OSBPL10: variants seen among roughly 807,000 people sequenced by gnomAD.
The protein encoded by OSBPL10 is oxysterol binding protein like 10.
In OSBPL10, 49 loss-of-function variants were observed where a neutral mutation model predicts 81.7. That is an observed-to-expected ratio of 0.60 (90% confidence interval 0.48 to 0.76). OSBPL10 has a LOEUF of 0.76. Ranked by LOEUF, OSBPL10 falls within the 30% of genes least tolerant of loss-of-function variation. The probability of loss-of-function intolerance (pLI) is 0.00; values close to 1 mark genes in which losing one functional copy is unlikely to be tolerated. For synonymous variants in OSBPL10, 419 were observed against 383.6 expected, an observed-to-expected ratio of 1.09 and a Z score of -1.08; for missense variants, 923 against 987.8, an observed-to-expected ratio of 0.93 and a Z score of 0.88.
intron 2 of OSBPL10, among the ~76,000 whole-genome samples, chr3:32,010,179 G>C (rs1699240651): frequency 6.6e-6 from 1 of 151,882 alleles, no homozygotes; most frequent in South Asian, 2.1e-4. Context: ...AGAAATGCAG[G>C]TGCACAGAGG....
intron 1 of OSBPL10, among the ~76,000 whole-genome samples, chr3:31,891,772 A>G (rs1468619096): frequency 6.6e-6 from 1 of 152,330 alleles, no homozygotes; most frequent in East Asian, 1.9e-4. Context: ...TGTGATATGA[A>G]TAAAGCACTC....
intron 6 of OSBPL10, chr3:31,732,500 C>T (rs535790754): frequency 6.6e-6 from 1 of 152,176 alleles, no homozygotes. Flanking sequence ...TTAAAGGAGG[C>T]CTCCGCCAGT....
chr3:31,735,031 T>G (rs1575509166), intron 5 of OSBPL10, among the ~76,000 whole-genome samples: 1 of 152,258 alleles, frequency 6.6e-6, no homozygotes, highest in Non-Finnish European at 1.5e-5. Context: ...GTATGTGCGG[T>G]GCTTATGCAC....
In OSBPL10 at chr3:31,766,294, C is replaced by A. The variant is rs957540554; in HGVS notation, c.730-18174G>T. ...CAACATAGGGTCTTCCCTCTGCCCACTGCTCTGTGATGTTTGGCCCAATGT... is the reference window on the plus strand; with the variant it reads ...CAACATAGGGTCTTCCCTCTGCCCAATGCTCTGTGATGTTTGGCCCAATGT... On this transcript the variant is annotated intron_variant, in intron 4 of 11. Transcript: ENST00000396556. Among the ~76,000 whole-genome samples the A allele has an allele frequency of 3.3e-5, 5 of 151,448 alleles. No individual in the cohort carries two copies. The South Asian group carries it at 1.0e-3, about 32-fold the overall frequency.
intron 11 of OSBPL10, chr3:31,663,541 C>CA: frequency 1.0e-6 from 1 of 1,001,028 alleles, no homozygotes; most frequent in Non-Finnish European, 1.2e-6. Flanking sequence ...CTTCTAGTGT[C>CA]ACATTTGCAG....
chr3:31,780,218 G>A (rs1457671156), intron 4 of OSBPL10, among the ~76,000 whole-genome samples: 7 of 151,914 alleles, frequency 4.6e-5, no homozygotes, highest in Non-Finnish European at 8.8e-5. Context: ...GCATGAACCC[G>A]GGAGGCAGAG....
chr3:32,046,035 C>A (rs1160875822), intron 2 of OSBPL10: 3 of 152,210 alleles, frequency 2.0e-5, no homozygotes, highest in African/African-American at 7.2e-5. Context: ...ATCTACTTTC[C>A]TGTGGGTTCT....
chr3:31,957,484 G>T (rs1276529833), intron 1 of OSBPL10, among the ~76,000 whole-genome samples: 1 of 152,186 alleles, frequency 6.6e-6, no homozygotes, highest in East Asian at 1.9e-4. Context: ...CTCTACTGTG[G>T]CTTATAACTT....
At chr3:31,809,049 A>G (rs1218553867) in intron 4 of OSBPL10, among the ~76,000 whole-genome samples, 2 of 152,224 alleles carry the variant, frequency 1.3e-5, no homozygotes, top group Non-Finnish European at 2.9e-5. Context: ...AGTAAGACTA[A>G]GCCAAGAATA....
chr3:31,837,318 AAATT>A (rs1382907337), intron 3 of OSBPL10, among the ~76,000 whole-genome samples: 5 of 97,528 alleles, frequency 5.1e-5, no homozygotes, highest in South Asian at 3.6e-4. Context: ...ACAGATCCCC[AAATT>A]ATATATATAT....
intron 2 of OSBPL10, among the ~76,000 whole-genome samples, chr3:32,006,241 C>G (rs1334600839): frequency 6.6e-6 from 1 of 152,184 alleles, no homozygotes; most frequent in Non-Finnish European, 1.5e-5. Flanking sequence ...CCACCGCACC[C>G]CTCCATCTTG....
chr3:31,692,642 A>G (rs1198087824), intron 7 of OSBPL10, among the ~76,000 whole-genome samples: 1 of 152,226 alleles, frequency 6.6e-6, no homozygotes, highest in African/African-American at 2.4e-5. Flanking sequence ...AATATTTCAG[A>G]TTTAAACTGT....
intron 4 of OSBPL10, among the ~76,000 whole-genome samples, chr3:31,781,998 G>T (rs1698708788): frequency 6.6e-6 from 1 of 152,048 alleles, no homozygotes; most frequent in Non-Finnish European, 1.5e-5. Context: ...CATAGCCAAA[G>T]CAAGACTAGG....
chr3:31,763,364 T>C (rs192090956), intron 4 of OSBPL10, among the ~76,000 whole-genome samples: 61 of 152,304 alleles, frequency 4.0e-4, no homozygotes, highest in African/African-American at 1.4e-3. Context: ...GAACGTAACC[T>C]TACAAACTAA....
At chr3:31,857,480 A>T (rs1700941218) in intron 3 of OSBPL10, among the ~76,000 whole-genome samples, 1 of 151,972 alleles carries the variant, frequency 6.6e-6, no homozygotes, top group Non-Finnish European at 1.5e-5. Context: ...CCTGATGGAG[A>T]GCATCTCCCT....
chr3:31,916,804 C>T (rs1206808636), intron 1 of OSBPL10, among the ~76,000 whole-genome samples: 1 of 152,172 alleles, frequency 6.6e-6, no homozygotes, highest in Non-Finnish European at 1.5e-5. Context: ...CAGGTTTTAA[C>T]ATTCTTGCCA....
intron 4 of OSBPL10, among the ~76,000 whole-genome samples, chr3:31,794,141 C>G (rs1370874160): frequency 6.6e-6 from 1 of 152,206 alleles, no homozygotes; most frequent in Non-Finnish European, 1.5e-5. Flanking sequence ...ACTTTCCCCA[C>G]ATAGTTTTTC....
rs866253056 is a variant in OSBPL10 at position 32,055,212 on chromosome 3, T to C, written n.186-8609A>G. On this transcript the variant is annotated intron_variant and non_coding_transcript_variant, in intron 1 of 3. Transcript: ENST00000479173. ...ATAGCTTTTTTTTTTTTTTTTTTTT[T>C]TTTTTTTTTGAGACGGAGTCTCGCT... 2.1e-3 allele frequency among the ~76,000 whole-genome samples: 278 copies of C among 135,486 alleles called. 2 individuals are homozygous for C. The highest frequency in any genetic ancestry group is 7.1e-3 in the African/African-American group (256 of 36,040). 88.9% of individuals were successfully genotyped at this position (135,486 alleles called of 152,430 possible).
intron 7 of OSBPL10, chr3:31,700,175 G>A (rs1004368102): frequency 7.2e-5 from 11 of 152,128 alleles, no homozygotes; most frequent in Non-Finnish European, 1.5e-4. Context: ...GACAGGAAAC[G>A]TTATTCTTTC....
Sources: allele counts gnomAD v4.1 joint callset (sites outside exome capture counted in the v4.1 genomes callset), GRCh38; gene constraint gnomAD v4.1.1; transcripts MANE v1.5; gene names NCBI Gene and HGNC (gene_info 2026-07-23, HGNC 2026-07-21).